IQSEC1: variants seen among roughly 807,000 people sequenced by gnomAD.
The protein encoded by IQSEC1 is IQ motif and SEC7 domain-containing protein 1.
A neutral mutation model predicts 91.0 loss-of-function variants in IQSEC1; 31 were observed. That is an observed-to-expected ratio of 0.34 (90% CI 0.26 to 0.46). IQSEC1 has a LOEUF of 0.46. Among genes scored for constraint, IQSEC1 ranks in the 20% least tolerant of loss-of-function variants. The probability of loss-of-function intolerance (pLI) is 1.00; values close to 1 mark genes in which losing one functional copy is unlikely to be tolerated. For synonymous variants in IQSEC1, 699 were observed against 662.6 expected (o/e 1.05, Z -0.84); for missense variants, 1,388 against 1,575.6 (o/e 0.88, Z 2.02).
chr3:12,903,125 G>A (rs1694560239), intron 12 of IQSEC1, among the ~76,000 whole-genome samples: 1 of 152,242 alleles, frequency 6.6e-6, no homozygotes, highest in African/African-American at 2.4e-5. Flanking sequence ...GAGGGACCCT[G>A]GGGCTGAGGC....
At chr3:12,936,832 A>T (rs1400345491) in intron 2 of IQSEC1, 135 bp from the exon 3 acceptor site, 1 of 754,370 alleles carries the variant, frequency 1.3e-6, no homozygotes, top group Non-Finnish European at 2.1e-6. Flanking sequence ...GCAACTGCTG[A>T]GGGATGCTGG....
At chr3:13,226,792 C>T (rs914727005) in intron 1 of IQSEC1, among the ~76,000 whole-genome samples, 1 of 152,112 alleles carries the variant, frequency 6.6e-6, no homozygotes, top group East Asian at 1.9e-4. Flanking sequence ...AATATACAAA[C>T]TCAGGTTTAG....
chr3:12,904,330 A>C (rs1330723150), intron 12 of IQSEC1, among the ~76,000 whole-genome samples: 1 of 152,186 alleles, frequency 6.6e-6, no homozygotes, highest in African/African-American at 2.4e-5. Flanking sequence ...GGCTTGTGTG[A>C]CGTGGCCCTC....
intron 1 of IQSEC1, among the ~76,000 whole-genome samples, chr3:13,048,727 C>G (rs1704583336): frequency 1.3e-5 from 2 of 152,226 alleles, no homozygotes; most frequent in South Asian, 4.1e-4. Flanking sequence ...TCCTGTCTAG[C>G]TGCCATTGTG....
intron 1 of IQSEC1, among the ~76,000 whole-genome samples, chr3:12,988,265 A>G (rs1027367169): frequency 1.3e-5 from 2 of 152,098 alleles, no homozygotes; most frequent in Non-Finnish European, 2.9e-5. Flanking sequence ...AATACAAAAA[A>G]TTAGCCAGGC....
At chr3:13,113,635 G>A (rs1264161893) in intron 2 of IQSEC1, among the ~76,000 whole-genome samples, 4 of 152,216 alleles carry the variant, frequency 2.6e-5, no homozygotes, top group East Asian at 1.9e-4. Flanking sequence ...AAGTGCATGC[G>A]GCGGTGGGAA....
intron 1 of IQSEC1, among the ~76,000 whole-genome samples, chr3:13,227,259 C>T (rs1343509789): frequency 6.6e-6 from 1 of 151,358 alleles, no homozygotes; most frequent in Non-Finnish European, 1.5e-5. Context: ...GCCTATAATC[C>T]CAGCTACTCG....
At chr3:13,200,522 G>A (rs776811475) in intron 1 of IQSEC1, among the ~76,000 whole-genome samples, 3 of 152,198 alleles carry the variant, frequency 2.0e-5, no homozygotes, top group Non-Finnish European at 4.4e-5. Flanking sequence ...TCCAGGGCTG[G>A]ATCCCTTTCC....
rs1027262111 is a variant in IQSEC1, at chr3:12,963,196, G to A, written c.24-21331C>T. Among the ~76,000 whole-genome samples, 6 of 152,370 alleles carry A rather than the reference G, an allele frequency of 3.9e-5. No homozygotes were observed. The South Asian group carries it at 1.0e-3, about 26-fold the overall frequency. ...GTCTCATCTTTAGAAACAGGGAGGGGACGCTTGCTATGGTTCTCCATCGGG... is the reference window on the plus strand; with the variant it reads ...GTCTCATCTTTAGAAACAGGGAGGGAACGCTTGCTATGGTTCTCCATCGGG... On this transcript the variant is annotated intron_variant, in intron 1 of 13. Coordinates refer to ENST00000613206, the MANE Select transcript of IQSEC1 (RefSeq NM_001134382.3).
intron 1 of IQSEC1, among the ~76,000 whole-genome samples, chr3:12,966,505 C>G (rs12487715): frequency 0.19 from 29,367 of 152,104 alleles, 4,197 homozygotes; most frequent in East Asian, 0.75. Context: ...CTGGCCATCG[C>G]AGAGAGGAAA....
intron 2 of IQSEC1, among the ~76,000 whole-genome samples, chr3:13,121,390 G>C (rs1268066308): frequency 3.3e-5 from 5 of 152,164 alleles, no homozygotes; most frequent in Non-Finnish European, 5.9e-5. Flanking sequence ...GCTGGGAGGG[G>C]TGAGGCCAGT....
chr3:12,908,208 T>A lies in IQSEC1; in HGVS notation c.2755+141A>T. ...CCTTTCTGTATGTCACACGCTGCTC[T>A]GCTTTGCGGAAGGTCAGGGGAAATG... On this transcript the variant is annotated intron_variant, in intron 12 of 13. Coordinates refer to ENST00000613206, the MANE Select transcript of IQSEC1 (RefSeq NM_001134382.3). The surrounding 1 kb of genome is among the most constrained non-coding windows in gnomAD (Gnocchi z 4.9). 1 of 826,720 alleles carries A rather than the reference T, an allele frequency of 1.2e-6. No homozygotes were observed. The highest frequency in any genetic ancestry group is 1.9e-6 in the Non-Finnish European group (1 of 537,616). 51.2% of individuals were successfully genotyped at this position (826,720 alleles called of 1,614,324 possible).
rs534429144 is a variant in IQSEC1, at chr3:12,908,610, C to T, written c.2579-85G>A. ...CGGGGCCTTCTGCTTGGAGCTAGCA[C>T]TGTCCTGAGCCACCATCTGCTTGGA... On this transcript the variant is annotated intron_variant, in intron 11 of 13. Transcript: ENST00000613206. The surrounding 1 kb of genome is among the most constrained non-coding windows in gnomAD (Gnocchi z 4.9). 2.2e-4 allele frequency: 314 copies of T among 1,409,410 alleles called. 1 individual carries two copies. The highest frequency in any genetic ancestry group is 3.0e-4 in the South Asian group (25 of 82,616). The allele number at this position is 1,409,410 out of a possible 1,614,324, so 87.3% of individuals were successfully genotyped here. A position where few individuals can be genotyped will look rare whatever the true frequency, so the allele number is the denominator to read the frequency against.
chr3:13,268,576 GAGACTGC>G (rs1695536387), intron 1 of IQSEC1, among the ~76,000 whole-genome samples: 1 of 152,150 alleles, frequency 6.6e-6, no homozygotes, highest in African/African-American at 2.4e-5. Context: ...ATGTGCAGAT[GAGACTGC>G]ACTGATGTCA....
chr3:13,092,930 C>CCCGTAG (rs1705889134), intron 2 of IQSEC1, among the ~76,000 whole-genome samples: 1 of 152,146 alleles, frequency 6.6e-6, no homozygotes, highest in African/African-American at 2.4e-5. Flanking sequence ...TCTTCCCCCT[C>CCCGTAG]CCGTAGCCGG....
chr3:13,273,919 C>T lies in IQSEC1; in HGVS notation c.272+8792G>A, dbSNP rs564619940. 1.5e-3 allele frequency among the ~76,000 whole-genome samples: 235 copies of T among 152,296 alleles called. 1 individual carries two copies. Among genetic ancestry groups the T allele is most frequent in the Middle Eastern group, 6.8e-3 (2 of 294 alleles). On this transcript the variant is annotated intron_variant, in intron 1 of 15. Transcript: ENST00000648114. ...CCCATGCACACTGGTCCGCTCCCTG[C>T]ACCTCAACCACGCCGCCAGGCACAC...
At position 12,913,434 on chromosome 3, in the gene IQSEC1, G is replaced by A. The variant is rs781717944; in HGVS notation, c.2310C>T (p.Leu770=). The A allele has an allele frequency of 1.9e-6, 3 of 1,596,574 alleles. No individual in the cohort carries two copies. Among genetic ancestry groups the A allele is most frequent in the Non-Finnish European group, 2.6e-6 (3 of 1,169,700 alleles). ...HQREIFLFND[L]LVVTKIFQKK... ...TTGTGGGTGAGCCACATACCACCAG[G>A]AGGTCGTTGAACAGGAAGATTTCTC... is the stretch of plus-strand genomic sequence containing the variant. The change falls in exon 9 of 14, where the codon CTC becomes CTT. Residue 770 remains leucine (L), a synonymous_variant. Coordinates refer to ENST00000613206, the MANE Select transcript of IQSEC1 (RefSeq NM_001134382.3).
At chr3:13,149,796 T>C (rs946419049) in intron 2 of IQSEC1, among the ~76,000 whole-genome samples, 1 of 152,238 alleles carries the variant, frequency 6.6e-6, no homozygotes, top group Non-Finnish European at 1.5e-5. Flanking sequence ...ACTGCCATGT[T>C]GCCCTGCCTT....
At chr3:13,049,253 C>G (rs932025490) in intron 1 of IQSEC1, among the ~76,000 whole-genome samples, 1 of 152,172 alleles carries the variant, frequency 6.6e-6, no homozygotes, top group East Asian at 1.9e-4. Context: ...GATACCGATA[C>G]GATGCGACGA....
Sources: gnomAD v4.1 joint callset for allele counts (sites outside exome capture counted in the v4.1 genomes callset) on GRCh38, gnomAD v4.1.1 for gene constraint, Gnocchi (gnomAD v3.1) non-coding constraint, MANE v1.5 for transcripts, NCBI Gene and HGNC (gene_info 2026-07-23, HGNC 2026-07-21) for gene names.